The following DPYD variants were observed in gnomAD, a reference collection of about 807,000 sequenced individuals.
DPYD encodes dihydropyrimidine dehydrogenase [NADP(+)].
DPYD carries 109 observed loss-of-function variants against 116.2 expected under a neutral mutation model. The ratio of observed to expected loss-of-function variants is 0.94; its 90% CI spans 0.80 to 1.10. The LOEUF (loss-of-function observed/expected upper bound fraction) is 1.10. DPYD is among the 50% of genes least tolerant of loss of function. The pLI is 0.00. For synonymous variants in DPYD, 440 were observed against 432.0 expected (o/e 1.02, Z -0.23); for missense variants, 1,302 against 1,254.5 (o/e 1.04, Z -0.57).
chr1:97,349,819 G>A (rs1670048541), intron 16 of DPYD, among the ~76,000 whole-genome samples: 1 of 151,906 alleles, frequency 6.6e-6, no homozygotes, highest in Admixed American at 6.6e-5. Flanking sequence ...GTGTGCATGT[G>A]TCTTTATAGC....
chr1:97,865,765 C>T (rs76016446), intron 2 of DPYD, among the ~76,000 whole-genome samples: 1,605 of 152,052 alleles, frequency 0.011, 21 homozygotes, highest in African/African-American at 0.036. Flanking sequence ...CTGATCGAAC[C>T]ATGCCCTAAA....
At chr1:97,398,826 T>A (rs1261817307) in intron 14 of DPYD, among the ~76,000 whole-genome samples, 2 of 152,168 alleles carry the variant, frequency 1.3e-5, no homozygotes, top group South Asian at 2.1e-4. Context: ...GTTTGAGTTC[T>A]TTGTAGATTC....
At chr1:97,173,243 T>TATGCGTACACATAC (rs1656890752) in intron 20 of DPYD, among the ~76,000 whole-genome samples, 1 of 150,124 alleles carries the variant, frequency 6.7e-6, no homozygotes, top group Admixed American at 6.7e-5. Context: ...CGCACACATA[T>TATGCGTACACATAC]ATGTACATAT....
At chr1:97,527,465 T>C (rs1257852664) in intron 12 of DPYD, among the ~76,000 whole-genome samples, 1 of 152,144 alleles carries the variant, frequency 6.6e-6, no homozygotes, top group African/African-American at 2.4e-5. Context: ...TCATGATGGT[T>C]TGATTGAACA....
At chr1:97,610,866 C>A (rs1029993997) in intron 8 of DPYD, among the ~76,000 whole-genome samples, 1 of 151,940 alleles carries the variant, frequency 6.6e-6, no homozygotes, top group Non-Finnish European at 1.5e-5. Context: ...ATTGATACAT[C>A]TGGGGAGCTT....
At chr1:97,672,912 T>C (rs1659947367) in intron 8 of DPYD, among the ~76,000 whole-genome samples, 1 of 152,056 alleles carries the variant, frequency 6.6e-6, no homozygotes, top group South Asian at 2.1e-4. Flanking sequence ...TTTAAAAAAA[T>C]ATTATTTTCT....
At chr1:97,433,092 G>A (rs1675273558) in intron 14 of DPYD, among the ~76,000 whole-genome samples, 1 of 151,998 alleles carries the variant, frequency 6.6e-6, no homozygotes, top group African/African-American at 2.4e-5. Flanking sequence ...CCTTCCTCTA[G>A]TCTTCCAAAG....
chr1:97,444,983 C>T (rs1399233476), intron 14 of DPYD, among the ~76,000 whole-genome samples: 2 of 152,110 alleles, frequency 1.3e-5, no homozygotes, highest in African/African-American at 2.4e-5. Context: ...TAAAGGAGAC[C>T]TAACGGCATG....
intron 20 of DPYD, among the ~76,000 whole-genome samples, chr1:97,129,679 C>T (rs912922037): frequency 6.6e-6 from 1 of 152,114 alleles, no homozygotes; most frequent in East Asian, 1.9e-4. Flanking sequence ...TCTTTTAATG[C>T]TAGGCTTCCT....
chr1:97,285,613 T>C (rs1301626869), intron 18 of DPYD, among the ~76,000 whole-genome samples: 7 of 152,078 alleles, frequency 4.6e-5, no homozygotes, highest in Non-Finnish European at 1.0e-4. Context: ...GTTCACTAAA[T>C]GGAATATTTG....
chr1:97,527,794 G>A (rs201048960), intron 12 of DPYD, among the ~76,000 whole-genome samples: 412 of 112,488 alleles, frequency 3.7e-3, no homozygotes, highest in Middle Eastern at 9.9e-3. Context: ...ATGAAATTTG[G>A]AAAAAAAAAA....
At chr1:97,344,505 T>C (rs1402379020) in intron 16 of DPYD, among the ~76,000 whole-genome samples, 2 of 151,840 alleles carry the variant, frequency 1.3e-5, no homozygotes, top group African/African-American at 2.4e-5. Flanking sequence ...CCTATGTTTA[T>C]ATATGTACAT....
At chr1:97,792,808 G>C (rs1350726704) in intron 3 of DPYD, among the ~76,000 whole-genome samples, 1 of 152,008 alleles carries the variant, frequency 6.6e-6, no homozygotes, top group Middle Eastern at 3.2e-3. Context: ...TCTAAGTAAG[G>C]CACATTCTAC....
intron 3 of DPYD, chr1:97,797,662 T>C (rs939414944): frequency 2.0e-5 from 3 of 152,068 alleles, no homozygotes; most frequent in Non-Finnish European, 4.4e-5. Flanking sequence ...CCAGGCTGAA[T>C]ATAGTTCCAG....
chr1:97,906,672 C>T (rs1281284756), intron 1 of DPYD, among the ~76,000 whole-genome samples: 3 of 152,008 alleles, frequency 2.0e-5, no homozygotes, highest in Non-Finnish European at 2.9e-5. Flanking sequence ...GTATTGAACC[C>T]TACATATATA....
chr1:97,657,961 C>G (rs1659036103), intron 8 of DPYD, among the ~76,000 whole-genome samples: 1 of 152,012 alleles, frequency 6.6e-6, no homozygotes, highest in South Asian at 2.1e-4. Flanking sequence ...AATTCAAACA[C>G]TTTTGAGACC....
At chr1:97,894,662 C>T (rs1476201251) in intron 1 of DPYD, among the ~76,000 whole-genome samples, 2 of 151,414 alleles carry the variant, frequency 1.3e-5, no homozygotes, top group Non-Finnish European at 3.0e-5. Flanking sequence ...ATTTAAACAG[C>T]AAAACATTAA....
At chr1:97,130,524 A>G (rs1370415278) in intron 20 of DPYD, among the ~76,000 whole-genome samples, 1 of 152,056 alleles carries the variant, frequency 6.6e-6, no homozygotes, top group Non-Finnish European at 1.5e-5. Context: ...TTTATTAGGG[A>G]TATCATCCCT....
intron 12 of DPYD, among the ~76,000 whole-genome samples, chr1:97,526,595 C>A (rs1649117024): frequency 6.6e-6 from 1 of 152,128 alleles, no homozygotes; most frequent in Admixed American, 6.5e-5. Context: ...AGTTCTTTTC[C>A]TAGTTCCTAA....
Sources: gnomAD v4.1 joint callset for allele counts (sites outside exome capture counted in the v4.1 genomes callset) on GRCh38, gnomAD v4.1.1 for gene constraint, MANE v1.5 for transcripts, NCBI Gene and HGNC (gene_info 2026-07-23, HGNC 2026-07-21) for gene names.